Variants in ANXA11 observed in about 807,000 individuals in gnomAD.
The protein encoded by ANXA11 is 56 kDa autoantigen.
ANXA11 carries 57 observed loss-of-function variants against 64.7 expected under a neutral mutation model. That is an observed-to-expected ratio of 0.88 (90% CI 0.71 to 1.10). ANXA11 has a LOEUF of 1.10. Ranked by LOEUF, ANXA11 falls within the 50% of genes least tolerant of loss-of-function variation. ANXA11 has a pLI of 0.00. For missense variants in ANXA11, 675 were observed against 670.7 expected, an observed-to-expected ratio of 1.01 and a Z score of -0.07; for synonymous variants, 260 against 265.2, an observed-to-expected ratio of 0.98 and a Z score of 0.19.
In ANXA11 at chr10:80,174,821, T is replaced by A. The variant is rs144789637; in HGVS notation, c.-9+1286A>T. Among the ~76,000 whole-genome samples, 947 of 152,320 alleles carry A rather than the reference T, an allele frequency of 6.2e-3. 17 individuals are homozygous for A. The highest frequency in any genetic ancestry group is 0.05 in the East Asian group (258 of 5,162). On this transcript the variant is annotated intron_variant, in intron 2 of 15. Coordinates refer to ENST00000422982, the MANE Select transcript of ANXA11 (RefSeq NM_145868.2). The stretch of plus-strand genomic sequence containing the variant: ...ATCTGCCCGCTGCGGCCTCCCACAG[T>A]GCTGGGATTACAGGCATGAGCCACT...
chr10:80,204,280 G>A (rs1589461400), intron 1 of ANXA11, among the ~76,000 whole-genome samples: 1 of 152,230 alleles, frequency 6.6e-6, no homozygotes, highest in Non-Finnish European at 1.5e-5. Context: ...CACAAAGAAT[G>A]CCTTGAGGAA....
At chr10:80,197,841 G>A (rs1031578184) in intron 1 of ANXA11, among the ~76,000 whole-genome samples, 3 of 151,864 alleles carry the variant, frequency 2.0e-5, no homozygotes, top group Non-Finnish European at 4.4e-5. Flanking sequence ...GGAGAATGGC[G>A]TGAACCCAGG....
rs1840631308 is a variant in ANXA11, at chr10:80,205,377, T to C, written c.-92A>G. On this transcript the variant is annotated 5_prime_UTR_variant, in exon 1 of 16. Transcript: ENST00000422982. ...GGGACTCCGGACGCGAGGGGCGAAATGGGACGTGGGCGGGAGTGGCTCTCT... is the reference window on the plus strand; with the variant it reads ...GGGACTCCGGACGCGAGGGGCGAAACGGGACGTGGGCGGGAGTGGCTCTCT... The C allele has an allele frequency of 6.6e-6, 1 of 151,686 alleles. No individual in the cohort carries two copies. Among genetic ancestry groups the C allele is most frequent in the African/African-American group, 2.4e-5 (1 of 41,286 alleles). The allele number at this position is 151,686 out of a possible 1,614,324, so 9.4% of individuals were successfully genotyped here.
chr10:80,174,223 G>A (rs1188511946), intron 2 of ANXA11, among the ~76,000 whole-genome samples: 1 of 151,574 alleles, frequency 6.6e-6, no homozygotes, highest in East Asian at 1.9e-4. Context: ...TTTTTTGAGA[G>A]TCTTACTATG....
At chr10:80,204,423 A>T (rs568874334) in intron 1 of ANXA11, among the ~76,000 whole-genome samples, 1 of 150,530 alleles carries the variant, frequency 6.6e-6, no homozygotes, top group African/African-American at 2.4e-5. Flanking sequence ...TTGCGTGGGC[A>T]GGGCAGGGCA....
At chr10:80,180,139 C>G (rs1319660691) in intron 1 of ANXA11, among the ~76,000 whole-genome samples, 1 of 152,180 alleles carries the variant, frequency 6.6e-6, no homozygotes, top group Non-Finnish European at 1.5e-5. Flanking sequence ...TAGCTGGAGT[C>G]CCCTAACACA....
chr10:80,164,203 G>A (rs12762098), intron 8 of ANXA11, 60 bp from the exon 9 acceptor site: 4 of 1,400,302 alleles, frequency 2.9e-6, no homozygotes, highest in African/African-American at 1.4e-5. Context: ...ACCAGCACTC[G>A]GGAAGAAGGG....
Position 80,157,962 on chromosome 10 carries a change from C to T in ANXA11, c.1335+5G>A. On this transcript the variant is annotated splice_donor_5th_base_variant and intron_variant, in intron 14 of 15. Coordinates refer to ENST00000422982, the MANE Select transcript of ANXA11 (RefSeq NM_145868.2). Reference sequence around the variant, plus strand: ...CATCGCAACCTGCACATGGAAGTTACATACCCTCATGGCCTTGTTGAGCCT... The same window carrying T: ...CATCGCAACCTGCACATGGAAGTTATATACCCTCATGGCCTTGTTGAGCCT... The T allele has an allele frequency of 6.2e-7, 1 of 1,613,914 alleles. No homozygotes were observed. Among genetic ancestry groups the T allele is most frequent in the South Asian group, 1.1e-5 (1 of 91,078 alleles).
At chr10:80,176,294 C>T (rs889062957) in intron 1 of ANXA11, 139 bp from the exon 2 acceptor site, 4 of 152,174 alleles carry the variant, frequency 2.6e-5, no homozygotes, top group African/African-American at 9.7e-5. Flanking sequence ...TGGATTTAGC[C>T]AGCTCTGTAT....
chr10:80,172,220 C>A (rs1380653921), intron 3 of ANXA11, among the ~76,000 whole-genome samples: 1 of 152,110 alleles, frequency 6.6e-6, no homozygotes, highest in Non-Finnish European at 1.5e-5. Flanking sequence ...GGGCCAGGGC[C>A]AGAGAAGACG....
At chr10:80,171,407 A>T (rs1047593866) in intron 3 of ANXA11, 4 of 384,522 alleles carry the variant, frequency 1.0e-5, no homozygotes, top group Non-Finnish European at 1.5e-5. Context: ...GGCTGGAGGG[A>T]CATGGGGCTG....
At chr10:80,178,076 C>T (rs1042446636) in intron 1 of ANXA11, among the ~76,000 whole-genome samples, 2 of 152,176 alleles carry the variant, frequency 1.3e-5, no homozygotes, top group Non-Finnish European at 2.9e-5. Flanking sequence ...TTGGAGAAGT[C>T]GTTCCTGGCA....
chr10:80,182,120 G>A (rs1363531513), intron 1 of ANXA11, among the ~76,000 whole-genome samples: 1 of 151,986 alleles, frequency 6.6e-6, no homozygotes, highest in Non-Finnish European at 1.5e-5. Flanking sequence ...AGTTGCCAGA[G>A]GTCAGGGGAG....
At position 80,154,981 on chromosome 10, in the gene ANXA11, A is replaced by G. The variant is rs1845227665; in HGVS notation, c.*872T>C. 2 of 152,236 alleles carry G rather than the reference A, an allele frequency of 1.3e-5. No homozygotes were observed. Among genetic ancestry groups the G allele is most frequent in the South Asian group, 2.1e-4 (1 of 4,832 alleles). The allele number at this position is 152,236 out of a possible 1,614,324, so 9.4% of individuals were successfully genotyped here. On this transcript the variant is annotated 3_prime_UTR_variant, in exon 16 of 16. Coordinates refer to ENST00000422982, the MANE Select transcript of ANXA11 (RefSeq NM_145868.2). Reference sequence around the variant, plus strand: ...GAACCTCCCTTCCCATGTCCTTACGAGTCCCTGCAAACTAGTGTATGCTCA... The same window carrying G: ...GAACCTCCCTTCCCATGTCCTTACGGGTCCCTGCAAACTAGTGTATGCTCA...
rs1028504937 is a variant in ANXA11, at chr10:80,159,291, C to T, written c.1181-96G>A. 3.3e-5 allele frequency: 32 copies of T among 965,308 alleles called. No individual in the cohort carries two copies. The East Asian group carries it at 3.9e-4, about 12-fold the overall frequency. The allele number at this position is 965,308 out of a possible 1,614,324, so 59.8% of individuals were successfully genotyped here. On this transcript the variant is annotated intron_variant, in intron 12 of 15. Coordinates refer to ENST00000422982, the MANE Select transcript of ANXA11 (RefSeq NM_145868.2). ...AACTCCCAGGACTTCAGAATATAAC[C>T]GTGTTTGGAGATAAGATCTTTAAAG...
chr10:80,167,035 T>C (rs1159079218), intron 6 of ANXA11, 51 bp from the exon 7 acceptor site: 1 of 1,444,724 alleles, frequency 6.9e-7, no homozygotes, highest in Non-Finnish European at 9.5e-7. Flanking sequence ...TGAGATGCTC[T>C]GCAGCTGAGA....
At chr10:80,180,656 T>TG in intron 1 of ANXA11, among the ~76,000 whole-genome samples, 1 of 152,154 alleles carries the variant, frequency 6.6e-6, no homozygotes, top group Non-Finnish European at 1.5e-5. Context: ...TTTTTTTTTT[T>TG]TTAACATTAG....
intron 1 of ANXA11, among the ~76,000 whole-genome samples, chr10:80,199,390 C>G (rs1472087095): frequency 6.6e-6 from 1 of 152,070 alleles, no homozygotes; most frequent in East Asian, 1.9e-4. Flanking sequence ...AGCTACCGCG[C>G]CCAGCCAAGA....
At chr10:80,162,074 C>T (rs769223181) in intron 11 of ANXA11, 46 bp from the exon 12 acceptor site, 3 of 1,518,882 alleles carry the variant, frequency 2.0e-6, no homozygotes, top group Admixed American at 3.4e-5. Flanking sequence ...CACACCCAGA[C>T]CCCAGGCCCA....
Sources: gnomAD v4.1 joint callset for allele counts (sites outside exome capture counted in the v4.1 genomes callset) on GRCh38, gnomAD v4.1.1 for gene constraint, MANE v1.5 for transcripts, NCBI Gene and HGNC (gene_info 2026-07-23, HGNC 2026-07-21) for gene names.